Variants in ZC3H13 observed in about 807,000 individuals in gnomAD.
ZC3H13 encodes zinc finger CCCH-type containing 13.
In ZC3H13, 64 loss-of-function variants were observed where a neutral mutation model predicts 204.1. The observed-to-expected ratio is 0.31, with a 90% CI of 0.26 to 0.39. ZC3H13 has a LOEUF of 0.39. Among genes scored for constraint, ZC3H13 ranks in the 10% least tolerant of loss-of-function variants. The pLI, the probability that ZC3H13 is intolerant of heterozygous loss-of-function variation, is 1.00. For missense variants in ZC3H13, 1,833 were observed against 2,082.7 expected, an observed-to-expected ratio of 0.88 and a Z score of 2.33; for synonymous variants, 667 against 693.7, an observed-to-expected ratio of 0.96 and a Z score of 0.60.
chr13:46,042,139 T>C (rs2043630486), intron 4 of ZC3H13, 25 bp downstream of exon 4: 19 of 1,585,530 alleles, frequency 1.2e-5, no homozygotes, highest in Admixed American at 1.7e-5. Context: ...GAAGTTGAAC[T>C]TTGTTTTGGG....
chr13:46,020,401 A>G (rs1352913862), intron 5 of ZC3H13, 48 bp downstream of exon 5: 1 of 1,439,430 alleles, frequency 6.9e-7, no homozygotes. Flanking sequence ...AACTCTAGAA[A>G]GTAAATAATC....
chr13:46,052,323 G>GC (rs2044523945), intron 1 of ZC3H13, 81 bp downstream of exon 1: 1 of 390,126 alleles, frequency 2.6e-6, no homozygotes, highest in Non-Finnish European at 4.5e-6. Flanking sequence ...GCAAAGACGG[G>GC]GGGGGGTAAC....
chr13:46,050,305 CTT>C (rs2044311690), intron 1 of ZC3H13, among the ~76,000 whole-genome samples: 1 of 151,994 alleles, frequency 6.6e-6, no homozygotes, highest in South Asian at 2.1e-4. Context: ...AAAAGGGTCT[CTT>C]TTTGAATAAT....
intron 14 of ZC3H13, 146 bp downstream of exon 14, chr13:45,968,602 A>T: frequency 1.0e-6 from 1 of 969,628 alleles, no homozygotes; most frequent in Non-Finnish European, 1.5e-6. Flanking sequence ...ACATTTTGAT[A>T]GGGCAGCTAA....
intron 4 of ZC3H13, among the ~76,000 whole-genome samples, chr13:46,027,106 T>A (rs907216331): frequency 6.6e-6 from 1 of 152,172 alleles, no homozygotes; most frequent in Non-Finnish European, 1.5e-5. Context: ...AGGTGTTTTT[T>A]ATTTTTTTTT....
chr13:45,963,295 G>C, intron 17 of ZC3H13: 2 of 986,680 alleles, frequency 2.0e-6, no homozygotes, highest in Non-Finnish European at 2.4e-6. Context: ...TAGATGTCTA[G>C]GGGAAAGGGC....
intron 2 of ZC3H13, 83 bp downstream of exon 2, chr13:46,045,308 C>T: frequency 1.6e-6 from 2 of 1,236,852 alleles, no homozygotes; most frequent in Non-Finnish European, 1.2e-6. Context: ...AATAAAACAA[C>T]CTGTTCACCT....
At chr13:46,047,837 A>C (rs1316925418) in intron 1 of ZC3H13, among the ~76,000 whole-genome samples, 3 of 152,222 alleles carry the variant, frequency 2.0e-5, no homozygotes, top group Non-Finnish European at 2.9e-5. Flanking sequence ...CTTAATAAAC[A>C]AAATTGAATA....
At chr13:46,029,041 T>C (rs1030210586) in intron 4 of ZC3H13, among the ~76,000 whole-genome samples, 1 of 152,038 alleles carries the variant, frequency 6.6e-6, no homozygotes, top group Non-Finnish European at 1.5e-5. Context: ...ATCAATAAAA[T>C]TTATCAGCTT....
At chr13:46,007,247 A>G (rs2041220600) in intron 7 of ZC3H13, among the ~76,000 whole-genome samples, 1 of 152,076 alleles carries the variant, frequency 6.6e-6, no homozygotes, top group Non-Finnish European at 1.5e-5. Context: ...AGACCTGGCC[A>G]AAGGAACGTG....
At chr13:46,023,378 A>G (rs577597730) in intron 4 of ZC3H13, among the ~76,000 whole-genome samples, 1 of 152,188 alleles carries the variant, frequency 6.6e-6, no homozygotes, top group South Asian at 2.1e-4. Flanking sequence ...CCTCCCTACA[A>G]TTTCTACTGA....
At chr13:46,010,783 T>C (rs1452337685) in intron 6 of ZC3H13, among the ~76,000 whole-genome samples, 3 of 150,798 alleles carry the variant, frequency 2.0e-5, no homozygotes, top group African/African-American at 7.3e-5. Flanking sequence ...TCTCAGCTAT[T>C]AGGGAGGCTG....
At chr13:45,996,755 A>G (rs1239990043) in intron 8 of ZC3H13, among the ~76,000 whole-genome samples, 2 of 152,178 alleles carry the variant, frequency 1.3e-5, no homozygotes, top group African/African-American at 2.4e-5. Context: ...GTACAAAAAA[A>G]AAAAAAAAGC....
At chr13:46,041,492 T>C (rs1013039461) in intron 4 of ZC3H13, among the ~76,000 whole-genome samples, 1 of 152,100 alleles carries the variant, frequency 6.6e-6, no homozygotes, top group Non-Finnish European at 1.5e-5. Flanking sequence ...TTGACTGTGA[T>C]GATGGTTTCA....
chr13:45,960,296 T>C (rs533036739), intron 17 of ZC3H13, among the ~76,000 whole-genome samples: 56 of 152,278 alleles, frequency 3.7e-4, no homozygotes, highest in African/African-American at 1.3e-3. Flanking sequence ...AAGGATGTTT[T>C]AAAGAAACGT....
At chr13:45,968,665 T>C in intron 14 of ZC3H13, 83 bp downstream of exon 14, 1 of 1,479,882 alleles carries the variant, frequency 6.8e-7, no homozygotes. Flanking sequence ...AAGTAACCAA[T>C]TTAGCATTAC....
Position 45,988,827 on chromosome 13 carries a change from T to G in ZC3H13, c.1215A>C (p.Arg405=). The G allele has an allele frequency of 6.2e-7, 1 of 1,614,058 alleles. No homozygotes were observed. The highest frequency in any genetic ancestry group is 8.5e-7 in the Non-Finnish European group (1 of 1,179,910). The change falls in exon 9 of 19, where the codon CGA becomes CGC. Residue 405 remains arginine, a synonymous_variant. Transcript: ENST00000679008. ...MREKGRHDHE[R]TSQSHDRRHE... ...GGCGTCGATCATGAGACTGTGAAGT[T>G]CGTTCATGATCATGTCTCCCTTTCT...
At chr13:46,048,271 T>C (rs1316297713) in intron 1 of ZC3H13, among the ~76,000 whole-genome samples, 1 of 152,032 alleles carries the variant, frequency 6.6e-6, no homozygotes, top group Non-Finnish European at 1.5e-5. Context: ...AATCCTAGAC[T>C]CCCTAAGGCA....
intron 15 of ZC3H13, among the ~76,000 whole-genome samples, chr13:45,966,194 C>G (rs1952071141): frequency 6.6e-6 from 1 of 152,252 alleles, no homozygotes; most frequent in South Asian, 2.1e-4. Context: ...CGTTTACAAT[C>G]ACTAGCTAAC....
Sources: allele counts gnomAD v4.1 joint callset (sites outside exome capture counted in the v4.1 genomes callset), GRCh38; gene constraint gnomAD v4.1.1; transcripts MANE v1.5; gene names NCBI Gene and HGNC (gene_info 2026-07-23, HGNC 2026-07-21).